CCSER1: variants seen among roughly 807,000 people sequenced by gnomAD.
The protein encoded by CCSER1 is serine-rich coiled-coil domain-containing protein 1.
CCSER1 carries 41 observed loss-of-function variants against 82.0 expected under a neutral mutation model. The ratio of observed to expected loss-of-function variants is 0.50; its 90% CI spans 0.39 to 0.65. CCSER1 has a LOEUF of 0.65. CCSER1 is among the 30% of genes least tolerant of loss of function. The pLI is 0.00. For missense variants in CCSER1, 1,119 were observed against 1,064.2 expected (o/e 1.05, Z -0.72); for synonymous variants, 414 against 383.9 (o/e 1.08, Z -0.92).
chr4:91,392,525 T>C (rs531347767), intron 10 of CCSER1, among the ~76,000 whole-genome samples: 3 of 152,204 alleles, frequency 2.0e-5, no homozygotes, highest in Admixed American at 1.3e-4. Flanking sequence ...AAAGATGAAA[T>C]TTCTAGGGAT....
intron 1 of CCSER1, among the ~76,000 whole-genome samples, chr4:90,239,063 C>T (rs1406223928): frequency 6.6e-6 from 1 of 152,136 alleles, no homozygotes; most frequent in Non-Finnish European, 1.5e-5. Context: ...GTTGGCCAGG[C>T]TGGTTCCGAA....
At chr4:90,668,004 G>A (rs1732123745) in intron 6 of CCSER1, among the ~76,000 whole-genome samples, 1 of 152,164 alleles carries the variant, frequency 6.6e-6, no homozygotes, top group African/African-American at 2.4e-5. Flanking sequence ...ATTATTGCTT[G>A]TGTGTGATGG....
intron 10 of CCSER1, among the ~76,000 whole-genome samples, chr4:91,319,417 T>G (rs960617768): frequency 6.6e-6 from 1 of 151,994 alleles, no homozygotes; most frequent in Non-Finnish European, 1.5e-5. Flanking sequence ...CATGTGCTAT[T>G]GTTTCCAAAC....
intron 10 of CCSER1, among the ~76,000 whole-genome samples, chr4:91,438,235 G>A (rs1488536149): frequency 2.0e-5 from 3 of 152,218 alleles, no homozygotes; most frequent in South Asian, 2.1e-4. Flanking sequence ...GCACCCCCCA[G>A]TAGGGGCAGA....
chr4:90,777,135 C>T (rs2149590904), intron 7 of CCSER1, among the ~76,000 whole-genome samples: 1 of 152,108 alleles, frequency 6.6e-6, no homozygotes, highest in South Asian at 2.1e-4. Context: ...GCGGGTGGAT[C>T]ACCTGAGGGT....
intron 5 of CCSER1, among the ~76,000 whole-genome samples, chr4:90,500,365 C>A (rs1186380280): frequency 6.6e-6 from 1 of 151,782 alleles, no homozygotes; most frequent in African/African-American, 2.4e-5. Context: ...ACAGTTTTGC[C>A]CTATCACCCA....
intron 5 of CCSER1, among the ~76,000 whole-genome samples, chr4:90,539,504 G>T (rs113388992): frequency 1.3e-5 from 2 of 152,136 alleles, no homozygotes; most frequent in African/African-American, 4.8e-5. Flanking sequence ...TTTAGCTCTT[G>T]TGGCAATTAC....
chr4:91,253,459 G>T lies in CCSER1; in HGVS notation c.2217+167465G>T, dbSNP rs150763955. Among the ~76,000 whole-genome samples, 1,030 of 152,190 alleles carry T rather than the reference G, an allele frequency of 6.8e-3. 7 individuals carry two copies. Among genetic ancestry groups the T allele is most frequent in the Non-Finnish European group, 0.011 (720 of 68,016 alleles). On this transcript the variant is annotated intron_variant, in intron 10 of 10. Coordinates refer to ENST00000509176, the MANE Select transcript of CCSER1 (RefSeq NM_001145065.2). The stretch of plus-strand genomic sequence containing the variant: ...GTTCAGCACCCCTATACCCTGCACT[G>T]TTCGTGGGTAAAATGTATATGCTAT...
chr4:90,783,368 T>TAAA (rs1332515285), intron 7 of CCSER1, among the ~76,000 whole-genome samples: 2 of 152,194 alleles, frequency 1.3e-5, no homozygotes, highest in Non-Finnish European at 2.9e-5. Context: ...AAGATCCGTT[T>TAAA]AACTGCAGCA....
At chr4:90,192,694 T>C (rs753992724) in intron 1 of CCSER1, among the ~76,000 whole-genome samples, 6 of 152,194 alleles carry the variant, frequency 3.9e-5, no homozygotes, top group South Asian at 2.1e-4. Flanking sequence ...ATATTGCCAG[T>C]AGTGTATTGG....
chr4:90,265,601 TA>T (rs1454492222), intron 1 of CCSER1, among the ~76,000 whole-genome samples: 1 of 152,028 alleles, frequency 6.6e-6, no homozygotes, highest in East Asian at 1.9e-4. Flanking sequence ...TATTCTATAC[TA>T]TTAAGTTATA....
chr4:91,509,082 C>T (rs1759687382), intron 10 of CCSER1, among the ~76,000 whole-genome samples: 1 of 151,724 alleles, frequency 6.6e-6, no homozygotes, highest in Non-Finnish European at 1.5e-5. Context: ...TTTTCTCTTT[C>T]TATTTTATTT....
intron 1 of CCSER1, among the ~76,000 whole-genome samples, chr4:90,252,359 T>G (rs1023473701): frequency 3.2e-4 from 48 of 151,928 alleles, no homozygotes; most frequent in African/African-American, 1.1e-3. Context: ...CTCACAAGTT[T>G]TATTTTCTTC....
chr4:91,021,055 G>T (rs997231659), intron 9 of CCSER1, among the ~76,000 whole-genome samples: 16 of 152,216 alleles, frequency 1.1e-4, no homozygotes, highest in African/African-American at 3.6e-4. Flanking sequence ...TCCATTATGA[G>T]ATTATGCCAA....
chr4:90,565,150 A>G (rs1779213258), intron 5 of CCSER1, among the ~76,000 whole-genome samples: 1 of 151,778 alleles, frequency 6.6e-6, no homozygotes, highest in African/African-American at 2.4e-5. Flanking sequence ...TAATGCTTTC[A>G]ATTCATGAAC....
chr4:91,471,295 T>C (rs780279323), intron 10 of CCSER1, among the ~76,000 whole-genome samples: 9 of 152,172 alleles, frequency 5.9e-5, no homozygotes, highest in Non-Finnish European at 1.0e-4. Context: ...AACACTATGC[T>C]ATGGAAAATA....
At chr4:90,780,180 A>C (rs146151629) in intron 7 of CCSER1, among the ~76,000 whole-genome samples, 1 of 152,144 alleles carries the variant, frequency 6.6e-6, no homozygotes, top group African/African-American at 2.4e-5. Flanking sequence ...TAAGGTAATC[A>C]TCTGTTGGAT....
intron 10 of CCSER1, among the ~76,000 whole-genome samples, chr4:91,507,840 T>C (rs1759584814): frequency 6.6e-6 from 1 of 151,848 alleles, no homozygotes; most frequent in Admixed American, 6.6e-5. Flanking sequence ...TATGAAGGCA[T>C]TCTTTTATTG....
At chr4:90,931,782 G>C (rs1729855794) in intron 9 of CCSER1, among the ~76,000 whole-genome samples, 1 of 152,102 alleles carries the variant, frequency 6.6e-6, no homozygotes, top group South Asian at 2.1e-4. Flanking sequence ...TCCTCAGTGT[G>C]GTCTTTGTCC....
Sources: gnomAD v4.1 joint callset for allele counts (sites outside exome capture counted in the v4.1 genomes callset) on GRCh38, gnomAD v4.1.1 for gene constraint, MANE v1.5 for transcripts, NCBI Gene and HGNC (gene_info 2026-07-23, HGNC 2026-07-21) for gene names.